The following ANO4 variants were observed in gnomAD, a reference collection of about 807,000 sequenced individuals.
The protein encoded by ANO4 is anoctamin 4.
In ANO4, 69 loss-of-function variants were observed where a neutral mutation model predicts 141.9. The observed-to-expected ratio is 0.49, with a 90% confidence interval of 0.40 to 0.59. ANO4 has a LOEUF of 0.59. Among genes scored for constraint, ANO4 ranks in the 20% least tolerant of loss-of-function variants. The pLI, the probability that ANO4 is intolerant of heterozygous loss-of-function variation, is 0.00. For missense variants in ANO4, 894 were observed against 1,162.2 expected (o/e 0.77, Z 3.36); for synonymous variants, 350 against 394.3 (o/e 0.89, Z 1.33).
intron 25 of ANO4, among the ~76,000 whole-genome samples, chr12:101,119,377 C>G (rs2050989084): frequency 1.3e-5 from 2 of 152,110 alleles, no homozygotes; most frequent in African/African-American, 4.8e-5. Context: ...TCACTTGAGT[C>G]TGGGAGGCAG....
chr12:100,784,030 C>A (rs1295310212), intron 3 of ANO4, among the ~76,000 whole-genome samples: 1 of 152,100 alleles, frequency 6.6e-6, no homozygotes, highest in Non-Finnish European at 1.5e-5. Context: ...CTGCTGCCTA[C>A]GGCAAGTGCA....
At chr12:100,754,275 A>G (rs188392658) in intron 3 of ANO4, among the ~76,000 whole-genome samples, 10 of 152,202 alleles carry the variant, frequency 6.6e-5, no homozygotes, top group East Asian at 3.9e-4. Flanking sequence ...TGCTCATTCT[A>G]CCTCACAAAT....
chr12:101,119,105 T>C (rs1020148637), intron 25 of ANO4, among the ~76,000 whole-genome samples: 6 of 152,020 alleles, frequency 3.9e-5, no homozygotes, highest in African/African-American at 1.4e-4. Flanking sequence ...ATTTTCTTAA[T>C]CCAGTCTATC....
intron 3 of ANO4, among the ~76,000 whole-genome samples, chr12:100,754,651 TA>T (rs2032531645): frequency 6.6e-6 from 1 of 152,034 alleles, no homozygotes; most frequent in Non-Finnish European, 1.5e-5. Context: ...AGCCAAAAGG[TA>T]AAAACAGCCC....
At chr12:100,876,631 G>T (rs1197379670) in intron 1 of ANO4, among the ~76,000 whole-genome samples, 1 of 152,200 alleles carries the variant, frequency 6.6e-6, no homozygotes, top group Non-Finnish European at 1.5e-5. Context: ...ATGTGGAGGA[G>T]CTGGCTGTAA....
At chr12:100,797,499 G>A (rs1045035097) in intron 1 of ANO4, among the ~76,000 whole-genome samples, 5 of 152,204 alleles carry the variant, frequency 3.3e-5, no homozygotes, top group African/African-American at 1.2e-4. Flanking sequence ...TAGCCTCTTG[G>A]TGTGATGAAG....
chr12:100,832,513 C>T (rs2036684271), intron 1 of ANO4, among the ~76,000 whole-genome samples: 1 of 152,098 alleles, frequency 6.6e-6, no homozygotes, highest in Non-Finnish European at 1.5e-5. Flanking sequence ...CTAGTTTTTA[C>T]CCATCACCTC....
intron 1 of ANO4, among the ~76,000 whole-genome samples, chr12:100,864,508 C>T (rs867081037): frequency 1.4e-4 from 21 of 152,264 alleles, no homozygotes; most frequent in African/African-American, 4.6e-4. Context: ...TTCTCACCCC[C>T]GCATTGATTG....
intron 5 of ANO4, among the ~76,000 whole-genome samples, chr12:100,954,329 C>T (rs918384267): frequency 2.6e-5 from 4 of 152,158 alleles, no homozygotes; most frequent in African/African-American, 7.2e-5. Context: ...CAGGTGCCGG[C>T]GTGGAAGCCA....
chr12:100,765,690 CAAA>C (rs749550498), intron 3 of ANO4, among the ~76,000 whole-genome samples: 1 of 119,896 alleles, frequency 8.3e-6, no homozygotes. Flanking sequence ...TTTATGTTTT[CAAA>C]AAAAAAAAAA....
At chr12:100,898,273 T>C (rs2136015836) in intron 1 of ANO4, among the ~76,000 whole-genome samples, 1 of 152,350 alleles carries the variant, frequency 6.6e-6, no homozygotes, top group East Asian at 1.9e-4. Context: ...TTTCTAAAGA[T>C]GTGACTTCAG....
intron 9 of ANO4, among the ~76,000 whole-genome samples, chr12:101,027,284 C>T (rs2046781387): frequency 6.6e-6 from 1 of 152,216 alleles, no homozygotes; most frequent in East Asian, 1.9e-4. Flanking sequence ...ATGCCAACCC[C>T]AGAGCTGCAC....
intron 26 of ANO4, among the ~76,000 whole-genome samples, chr12:101,125,329 T>G (rs957378114): frequency 2.0e-5 from 3 of 152,186 alleles, no homozygotes; most frequent in Non-Finnish European, 4.4e-5. Flanking sequence ...ATCCTGAGAC[T>G]CTGCTGAAGT....
At chr12:100,754,884 C>G (rs1054894305) in intron 3 of ANO4, among the ~76,000 whole-genome samples, 1 of 152,030 alleles carries the variant, frequency 6.6e-6, no homozygotes, top group Admixed American at 6.6e-5. Flanking sequence ...AGACAGAAAG[C>G]AGATTTGTGA....
At chr12:100,996,384 G>T (rs1384999555) in intron 8 of ANO4, among the ~76,000 whole-genome samples, 4 of 152,170 alleles carry the variant, frequency 2.6e-5, no homozygotes, top group African/African-American at 9.7e-5. Flanking sequence ...TGGAGGGTTT[G>T]TAAGAATGGG....
intron 3 of ANO4, among the ~76,000 whole-genome samples, chr12:100,763,379 A>G (rs1208545207): frequency 6.6e-6 from 1 of 152,232 alleles, no homozygotes; most frequent in Non-Finnish European, 1.5e-5. Context: ...TAACAGAAAC[A>G]AAGTAGGCAT....
chr12:100,901,571 C>T (rs2040592287), intron 1 of ANO4, 75 bp from the exon 2 acceptor site: 1 of 608,450 alleles, frequency 1.6e-6, no homozygotes, highest in South Asian at 2.0e-5. Context: ...CTCTGGACTT[C>T]ATATGAGAGC....
At chr12:100,818,638 C>G (rs2035862248) in intron 1 of ANO4, among the ~76,000 whole-genome samples, 1 of 151,924 alleles carries the variant, frequency 6.6e-6, no homozygotes, top group Non-Finnish European at 1.5e-5. Flanking sequence ...TCATTTAGCT[C>G]TATGCCCAGG....
chr12:100,881,417 TTTTATC>T (rs2039562740), intron 1 of ANO4, among the ~76,000 whole-genome samples: 3 of 148,194 alleles, frequency 2.0e-5, no homozygotes, highest in African/African-American at 7.7e-5. Context: ...ATAAAACTGT[TTTTATC>T]TTTAGGAAAA....
Sources: gnomAD v4.1 joint callset for allele counts (sites outside exome capture counted in the v4.1 genomes callset) on GRCh38, gnomAD v4.1.1 for gene constraint, MANE v1.5 for transcripts, NCBI Gene and HGNC (gene_info 2026-07-23, HGNC 2026-07-21) for gene names.